MYH8: variants seen among roughly 807,000 people sequenced by gnomAD.
MYH8 encodes the protein myosin heavy chain 8.
MYH8 carries 168 observed loss-of-function variants against 233.2 expected under a neutral mutation model. The ratio of observed to expected loss-of-function variants is 0.72; its 90% CI spans 0.64 to 0.82. The LOEUF is 0.82. Among genes scored for constraint, MYH8 ranks in the 40% least tolerant of loss-of-function variants. The pLI, the probability that MYH8 is intolerant of heterozygous loss-of-function variation, is 0.00. For missense variants in MYH8, 1,995 were observed against 2,327.8 expected (o/e 0.86, Z 2.94); for synonymous variants, 785 against 850.6 (o/e 0.92, Z 1.34).
chr17:10,421,020 A>G (rs1399183743), intron 2 of MYH8, among the ~76,000 whole-genome samples: 2 of 152,174 alleles, frequency 1.3e-5, no homozygotes, highest in Non-Finnish European at 2.9e-5. Flanking sequence ...CAGAGAAAAA[A>G]GTTTTAAGAG....
chr17:10,391,834 A>G, intron 39 of MYH8, 48 bp downstream of exon 39: 1 of 1,442,370 alleles, frequency 6.9e-7, no homozygotes. Flanking sequence ...AACACTTTCT[A>G]CTGCAAAAGA....
chr17:10,420,048 C>G lies in MYH8; in HGVS notation c.180G>C (p.Gly60=), dbSNP rs1463776205. 3.1e-6 allele frequency: 5 copies of G among 1,614,256 alleles called. No homozygotes were observed. Among genetic ancestry groups the G allele is most frequent in the Non-Finnish European group, 4.2e-6 (5 of 1,180,046 alleles). The change falls in exon 3 of 40, where the codon GGG becomes GGC. Residue 60 remains glycine (G), a synonymous_variant. Transcript: ENST00000403437. ...VKSTIQSKEG[G]KVTVKTEGGA... ...CACCTTCAGTCTTTACGGTTACTTT[C>G]CCTCCTTCTTTGCTTTGTATAGTGC...
chr17:10,391,163 G>A (rs2072018767), intron 39 of MYH8, among the ~76,000 whole-genome samples: 2 of 152,152 alleles, frequency 1.3e-5, no homozygotes, highest in Admixed American at 1.3e-4. Flanking sequence ...CAGCAAATGT[G>A]GGGGCAAGAG....
In MYH8 at chr17:10,410,938, G is replaced by C; in HGVS notation, c.1426C>G (p.Leu476Val). Residue 476 changes from leucine (L) to valine (V), a missense_variant, in exon 15 of 40, where the codon CTG becomes GTG. Around this residue, in one of 3 missense-constraint regions of MYH8, gnomAD observed 479 missense variants for 600.9 expected, o/e 0.80. Coordinates refer to ENST00000403437, the MANE Select transcript of MYH8 (RefSeq NM_002472.3). ...GTGAAGTTGATGCACAGCTGCTCCA[G>C]GCTGTTAAACTACACAAAATAATAG... is the stretch of plus-strand genomic sequence containing the variant. ...AGFEIFDFNSLEQLCINFTNE... is the reference protein window; with the variant it reads ...AGFEIFDFNSVEQLCINFTNE... The C allele has an allele frequency of 6.2e-7, 1 of 1,613,898 alleles. No homozygotes were observed. The highest frequency in any genetic ancestry group is 2.2e-5 in the East Asian group (1 of 44,868).
rs759624366 is a variant in MYH8 at position 10,413,880 on chromosome 17, C to T, written c.1147+22G>A. The T allele has an allele frequency of 6.2e-6, 10 of 1,613,876 alleles. No homozygotes were observed. In the East Asian group the frequency reaches 2.0e-4, roughly 32 times the overall value. On this transcript the variant is annotated intron_variant, in intron 12 of 39. Transcript: ENST00000403437. Reference sequence around the variant, plus strand: ...TTTTGCTACATTCTCTCATTAAACCCAGATAAAGTTTCATTTGGTACCTTC... The same window carrying T: ...TTTTGCTACATTCTCTCATTAAACCTAGATAAAGTTTCATTTGGTACCTTC...
chr17:10,418,510 A>G lies in MYH8; in HGVS notation c.511+135T>C. On this transcript the variant is annotated intron_variant, in intron 5 of 39. Transcript: ENST00000403437. ...AAGAGCATAAGATGTCACAGCTGTG[A>G]AAGTTTTTTGAAAACAGTGAAGCCC... 5 of 1,524,462 alleles carry G rather than the reference A, an allele frequency of 3.3e-6. No homozygotes were observed. The South Asian group carries it at 4.6e-5, about 14-fold the overall frequency. 94.4% of individuals were successfully genotyped at this position (1,524,462 alleles called of 1,614,324 possible). A position where few individuals can be genotyped will look rare whatever the true frequency, so the allele number is the denominator to read the frequency against.
intron 34 of MYH8, among the ~76,000 whole-genome samples, 171 bp from the exon 35 acceptor site, chr17:10,394,623 A>G (rs2072063465): frequency 6.6e-6 from 1 of 152,232 alleles, no homozygotes; most frequent in Non-Finnish European, 1.5e-5. Context: ...GAGAATTATC[A>G]GGAGACATAG....
rs779991062 is a variant in MYH8, at chr17:10,420,151, C to T, written c.77G>A (p.Arg26Gln). ...AAACGGCTTGTTTTGGGCCTCAATC[C>T]GCTCCTTTTCTGATTTTCGAAGGTA... is the stretch of plus-strand genomic sequence containing the variant. ...APYLRKSEKE[R>Q]IEAQNKPFDA... The change falls in exon 3 of 40, where the codon CGG (arginine) becomes CAG (glutamine). Residue 26 changes from arginine (R) to glutamine (Q), a missense_variant. This residue lies in a region of MYH8 where 479 missense variants were observed against 600.9 expected (regional missense o/e 0.80). Coordinates refer to ENST00000403437, the MANE Select transcript of MYH8 (RefSeq NM_002472.3). 17 of 1,614,074 alleles carry T rather than the reference C, an allele frequency of 1.1e-5. No individual in the cohort carries two copies. Among genetic ancestry groups the T allele is most frequent in the South Asian group, 8.8e-5 (8 of 91,086 alleles).
Position 10,419,130 on chromosome 17 carries a change from T to G in MYH8, c.211-100A>C. On this transcript the variant is annotated intron_variant, in intron 3 of 39. Coordinates refer to ENST00000403437, the MANE Select transcript of MYH8 (RefSeq NM_002472.3). This position sits in a 1 kb window ranked among gnomAD's most constrained non-coding sequence, Gnocchi z 4.0. Reference sequence around the variant, plus strand: ...TGGAGTGCAGTGGCGCGATCTCAGCTCACTGCAACCTCCGCCCTCCTGCTT... The same window carrying G: ...TGGAGTGCAGTGGCGCGATCTCAGCGCACTGCAACCTCCGCCCTCCTGCTT... 1 of 1,366,340 alleles carries G rather than the reference T, an allele frequency of 7.3e-7. No homozygotes were observed. Among genetic ancestry groups the G allele is most frequent in the Non-Finnish European group, 1.0e-6 (1 of 971,676 alleles). 84.6% of individuals were successfully genotyped at this position (1,366,340 alleles called of 1,614,324 possible).
intron 30 of MYH8, 66 bp from the exon 31 acceptor site, chr17:10,397,052 T>C: frequency 6.5e-7 from 1 of 1,542,084 alleles, no homozygotes; most frequent in East Asian, 2.3e-5. Flanking sequence ...ACCTCCTTGG[T>C]CCCTTTTCAC....
rs2072302504 is a variant in MYH8 at position 10,417,914 on chromosome 17, C to G, written c.511+731G>C. Among the ~76,000 whole-genome samples the G allele has an allele frequency of 6.6e-6, 1 of 152,116 alleles. No homozygotes were observed. Among genetic ancestry groups the G allele is most frequent in the African/African-American group, 2.4e-5 (1 of 41,422 alleles). On this transcript the variant is annotated intron_variant, in intron 5 of 39. Coordinates refer to ENST00000403437, the MANE Select transcript of MYH8 (RefSeq NM_002472.3). The surrounding 1 kb of genome is among the most constrained non-coding windows in gnomAD (Gnocchi z 4.1). ...AAAAAACACCTTAGTTTCCAAAATT[C>G]CATGGAACAACAGGAAACTCAGGAA...
rs769831236 is a variant in MYH8, at chr17:10,410,924, GCA to G, written c.1438_1439del (p.Cys480HisfsTer35). The G allele has an allele frequency of 1.9e-6, 3 of 1,614,066 alleles. No homozygotes were observed. The South Asian group carries it at 3.3e-5, about 18-fold the overall frequency. ...IFDFNSLEQL[C>X]INFTNEKLQQ... ...GCAGTTTCTCGTTGGTGAAGTTGAT[GCA>G]CAGCTGCTCCAGGCTGTTAAACTAC... is the stretch of plus-strand genomic sequence containing the variant. On this transcript the variant is annotated frameshift_variant, in exon 15 of 40. Transcript: ENST00000403437. LOFTEE classifies it high-confidence loss of function.
chr17:10,397,668 C>T (rs1303944441), intron 30 of MYH8, among the ~76,000 whole-genome samples: 1 of 152,150 alleles, frequency 6.6e-6, no homozygotes, highest in Non-Finnish European at 1.5e-5. Flanking sequence ...ACTTATATAT[C>T]CATTCTCACT....
Position 10,395,197 on chromosome 17 carries a change from T to A in MYH8, c.4898A>T (p.Asn1633Ile), listed in dbSNP as rs1567681701. 1 of 1,614,178 alleles carries A rather than the reference T, an allele frequency of 6.2e-7. No homozygotes were observed. Among genetic ancestry groups the A allele is most frequent in the Non-Finnish European group, 8.5e-7 (1 of 1,180,020 alleles). Residue 1633 changes from asparagine to isoleucine, a missense_variant, in exon 34 of 40, where the codon AAC (asparagine) becomes ATC (isoleucine). Physicochemically the swap from Asn to Ile is moderately radical, Grantham distance 149 (BLOSUM62 -3). Transcript: ENST00000403437. ...GDLNEMEIQL[N>I]HANRLAAESL... ...CTCTGCAGCTAAGCGATTGGCATGG[T>A]TCAGCTGGATTTCCATTTCATTCAG...
In MYH8 at chr17:10,395,408, G is replaced by A. The variant is rs1433759882; in HGVS notation, c.4687C>T (p.Arg1563Cys). The change falls in exon 34 of 40, where the codon CGT becomes TGT. Residue 1563 changes from arginine to cysteine, a missense_variant. Around this residue, in one of 3 missense-constraint regions of MYH8, gnomAD observed 1,498 missense variants for 1,680.9 expected, o/e 0.89. Transcript: ENST00000403437. ...ACTTGGTTTAACTCAAGCTGGATAC[G>A]CAGAATCTTTCCTTCTTCATGTTCA... ...SLEHEEGKILRIQLELNQVKS... is the reference protein window; with the variant it reads ...SLEHEEGKILCIQLELNQVKS... The A allele has an allele frequency of 6.2e-6, 10 of 1,613,936 alleles. No homozygotes were observed. Among genetic ancestry groups the A allele is most frequent in the East Asian group, 2.2e-5 (1 of 44,898 alleles).
rs752907731 is a variant in MYH8, at chr17:10,413,897, G to T, written c.1147+5C>A. 2 of 1,613,756 alleles carry T rather than the reference G, an allele frequency of 1.2e-6. No individual in the cohort carries two copies. Among genetic ancestry groups the T allele is most frequent in the Non-Finnish European group, 1.7e-6 (2 of 1,179,902 alleles). On this transcript the variant is annotated splice_donor_5th_base_variant and intron_variant, in intron 12 of 39. Coordinates refer to ENST00000403437, the MANE Select transcript of MYH8 (RefSeq NM_002472.3). ...ATTAAACCCAGATAAAGTTTCATTT[G>T]GTACCTTCTGTGCCATCTGGCTCAG... is the stretch of plus-strand genomic sequence containing the variant.
In MYH8 at chr17:10,400,404, T is replaced by C; in HGVS notation, c.3721A>G (p.Ile1241Val). The C allele has an allele frequency of 6.2e-7, 1 of 1,613,452 alleles. No homozygotes were observed. Among genetic ancestry groups the C allele is most frequent in the Non-Finnish European group, 8.5e-7 (1 of 1,179,936 alleles). The change falls in exon 27 of 40, where the codon ATT becomes GTT. Residue 1241 changes from isoleucine (I) to valine (V), a missense_variant. Transcript: ENST00000403437. The surrounding 1 kb of genome is among the most constrained non-coding windows in gnomAD (Gnocchi z 4.0). ...TDDLSSNAEA[I>V]SKAKGNLEKM... ...GTATTGGGTACCTTGGCTTTGGAAATGGCCTCTGCGTTACTGCTGAGGTCA... is the reference window on the plus strand; with the variant it reads ...GTATTGGGTACCTTGGCTTTGGAAACGGCCTCTGCGTTACTGCTGAGGTCA...
chr17:10,415,786 C>T lies in MYH8; in HGVS notation c.512-78G>A, dbSNP rs541802739. On this transcript the variant is annotated intron_variant, in intron 5 of 39. Coordinates refer to ENST00000403437, the MANE Select transcript of MYH8 (RefSeq NM_002472.3). The surrounding 1 kb of genome is among the most constrained non-coding windows in gnomAD (Gnocchi z 4.1). Reference sequence around the variant, plus strand: ...GTATTGAATCAGTTCAGATCAAACACAGCTTGTTCTTTTTAACTTTTTGAA... The same window carrying T: ...GTATTGAATCAGTTCAGATCAAACATAGCTTGTTCTTTTTAACTTTTTGAA... 55 of 1,482,712 alleles carry T rather than the reference C, an allele frequency of 3.7e-5. No individual in the cohort carries two copies. In the Middle Eastern group the frequency reaches 9.4e-4, roughly 25 times the overall value. The allele number at this position is 1,482,712 out of a possible 1,614,324, so 91.8% of individuals were successfully genotyped here.
At position 10,404,401 on chromosome 17, in the gene MYH8, G is replaced by A. The variant is rs763645108; in HGVS notation, c.2617C>T (p.Arg873Trp). 9.9e-6 allele frequency: 16 copies of A among 1,613,426 alleles called. No homozygotes were observed. The highest frequency in any genetic ancestry group is 2.2e-5 in the East Asian group (1 of 44,870). The change falls in exon 22 of 40, where the codon CGG (arginine) becomes TGG (tryptophan). Residue 873 changes from arginine to tryptophan, a missense_variant. Arg to Trp is a moderately radical substitution (Grantham distance 101). This residue lies in a region of MYH8 where 1,498 missense variants were observed against 1,680.9 expected (regional missense o/e 0.89). Coordinates refer to ENST00000403437, the MANE Select transcript of MYH8 (RefSeq NM_002472.3). ...KDELAKSEAK[R>W]KELEEKMVTL... ...ACCATTTTTTCCTCTAGCTCCTTCC[G>A]TTTTGCCTCTGACTTGGCGAGTTCA... is the stretch of plus-strand genomic sequence containing the variant.
Sources: gnomAD v4.1 joint callset for allele counts (sites outside exome capture counted in the v4.1 genomes callset) on GRCh38, gnomAD v4.1.1 for gene constraint, gnomAD v4.1.1 regional missense constraint, Gnocchi (gnomAD v3.1) non-coding constraint, MANE v1.5 for transcripts, NCBI Gene and HGNC (gene_info 2026-07-23, HGNC 2026-07-21) for gene names.